Variants in UNC13C observed in about 807,000 individuals in gnomAD.
UNC13C encodes unc-13 homolog C.
UNC13C carries 174 observed loss-of-function variants against 245.4 expected under a neutral mutation model. The observed-to-expected ratio is 0.71, with a 90% CI of 0.63 to 0.80. UNC13C has a LOEUF of 0.80. UNC13C is among the 30% of genes least tolerant of loss of function. The probability of loss-of-function intolerance (pLI) is 0.00; values close to 1 mark genes in which losing one functional copy is unlikely to be tolerated. For synonymous variants in UNC13C, 992 were observed against 895.1 expected (o/e 1.11, Z -1.93); for missense variants, 2,829 against 2,602.9 (o/e 1.09, Z -1.89).
intron 1 of UNC13C, among the ~76,000 whole-genome samples, chr15:53,997,561 A>C (rs572434581): frequency 6.6e-6 from 1 of 152,134 alleles, no homozygotes; most frequent in Non-Finnish European, 1.5e-5. Context: ...CTGTATGCAG[A>C]ATTATCTACT....
At chr15:54,432,048 A>T (rs1241299159) in intron 19 of UNC13C, among the ~76,000 whole-genome samples, 1 of 151,594 alleles carries the variant, frequency 6.6e-6, no homozygotes, top group Non-Finnish European at 1.5e-5. Context: ...TATGATTTCT[A>T]TATATTTATA....
At chr15:54,195,553 G>A (rs1349651693) in intron 4 of UNC13C, among the ~76,000 whole-genome samples, 1 of 152,100 alleles carries the variant, frequency 6.6e-6, no homozygotes, top group South Asian at 2.1e-4. Context: ...GATAGACAAT[G>A]AATACAGCAT....
chr15:54,000,862 T>C (rs1488990411), intron 1 of UNC13C, among the ~76,000 whole-genome samples: 1 of 152,218 alleles, frequency 6.6e-6, no homozygotes, highest in Non-Finnish European at 1.5e-5. Flanking sequence ...GCAATATTCC[T>C]AGTTTCTTGT....
chr15:54,275,330 T>C (rs2036804102), intron 10 of UNC13C, among the ~76,000 whole-genome samples: 1 of 152,158 alleles, frequency 6.6e-6, no homozygotes, highest in Non-Finnish European at 1.5e-5. Context: ...CACATGAAAA[T>C]ATGCCCAATA....
intron 2 of UNC13C, among the ~76,000 whole-genome samples, chr15:54,057,826 T>G (rs986195711): frequency 6.6e-6 from 1 of 152,136 alleles, no homozygotes; most frequent in African/African-American, 2.4e-5. Flanking sequence ...ACCACTCAAC[T>G]ACATGGAAAC....
At chr15:54,005,501 C>T (rs1160231813) in intron 1 of UNC13C, among the ~76,000 whole-genome samples, 2 of 152,140 alleles carry the variant, frequency 1.3e-5, no homozygotes, top group Non-Finnish European at 2.9e-5. Flanking sequence ...AGTTTACTAT[C>T]AAACATTAAT....
At chr15:54,315,971 C>A (rs1019384242) in intron 13 of UNC13C, among the ~76,000 whole-genome samples, 1 of 151,780 alleles carries the variant, frequency 6.6e-6, no homozygotes, top group Non-Finnish European at 1.5e-5. Flanking sequence ...CTCTTCATAG[C>A]CTCCTAATTG....
intron 28 of UNC13C, among the ~76,000 whole-genome samples, chr15:54,552,592 A>AATATAATATAATT (rs1896833700): frequency 2.1e-5 from 1 of 47,074 alleles, no homozygotes; most frequent in South Asian, 6.5e-4. Context: ...TATATTGTAC[A>AATATAATATAATT]ATATATAATA....
intron 11 of UNC13C, among the ~76,000 whole-genome samples, chr15:54,294,594 T>G (rs2037382995): frequency 6.6e-6 from 1 of 152,072 alleles, no homozygotes; most frequent in South Asian, 2.1e-4. Flanking sequence ...ATTTAAAAAA[T>G]TATTATGGAA....
At position 54,431,002 on chromosome 15, in the gene UNC13C, C is replaced by G. The variant is rs190183992; in HGVS notation, c.4933+15935C>G. Among the ~76,000 whole-genome samples the G allele has an allele frequency of 3.3e-5, 5 of 151,856 alleles. No homozygotes were observed. In the East Asian group the frequency reaches 9.7e-4, roughly 30 times the overall value. ...AAACCTGGGCAGAAGATGGTACACCCAAAGCAGTTACATTAACACTTTTTA... is the reference window on the plus strand; with the variant it reads ...AAACCTGGGCAGAAGATGGTACACCGAAAGCAGTTACATTAACACTTTTTA... On this transcript the variant is annotated intron_variant, in intron 19 of 32. Transcript: ENST00000260323.
Position 54,408,199 on chromosome 15 carries a change from C to CAAAAAAAAAAAAA in UNC13C, c.4848-6765_4848-6753dup, listed in dbSNP as rs71105808. Among the ~76,000 whole-genome samples the CAAAAAAAAAAAAA allele has an allele frequency of 8.2e-3, 240 of 29,124 alleles. 53 individuals are homozygous for CAAAAAAAAAAAAA. The highest frequency in any genetic ancestry group is 0.014 in the Non-Finnish European group (182 of 13,222). 19.1% of individuals were successfully genotyped at this position (29,124 alleles called of 152,430 possible). Reference sequence around the variant, plus strand: ...TGGGTGACAGAGTGAGACTCTGCCTCAAAAAAAAAAAAAAAAAAAAAAAAA... The same window carrying CAAAAAAAAAAAAA: ...TGGGTGACAGAGTGAGACTCTGCCTCAAAAAAAAAAAAAAAAAAAAAAAAAAAAAAAAAAAAAA... On this transcript the variant is annotated intron_variant, in intron 18 of 32. Coordinates refer to ENST00000260323, the MANE Select transcript of UNC13C (RefSeq NM_001080534.3).
intron 32 of UNC13C, 39 bp downstream of exon 32, chr15:54,623,993 T>C (rs1264770277): frequency 2.5e-6 from 4 of 1,610,612 alleles, no homozygotes; most frequent in African/African-American, 1.3e-5. Context: ...TACCAGGCAA[T>C]AGTTACTGTA....
At chr15:54,011,063 T>C (rs1394879815) in intron 1 of UNC13C, among the ~76,000 whole-genome samples, 5 of 152,108 alleles carry the variant, frequency 3.3e-5, no homozygotes, top group African/African-American at 1.2e-4. Context: ...AACATAATTT[T>C]TACAGATAGT....
At chr15:54,001,404 A>G (rs1024378752) in intron 1 of UNC13C, among the ~76,000 whole-genome samples, 9 of 152,196 alleles carry the variant, frequency 5.9e-5, no homozygotes, top group Non-Finnish European at 1.2e-4. Flanking sequence ...TGCATGTAAC[A>G]CTATAGATTT....
At position 54,013,116 on chromosome 15, in the gene UNC13C, C is replaced by T. The variant is rs1057299102; in HGVS notation, c.213C>T (p.Ser71=). Residue 71 remains serine, a synonymous_variant, in exon 2 of 33, where the codon TCC becomes TCT. Coordinates refer to ENST00000260323, the MANE Select transcript of UNC13C (RefSeq NM_001080534.3). ...STVKKIAKCS[S]THNLSTEEDE... ...TAAAGAAGATTGCAAAGTGTTCATC[C>T]ACTCACAACTTATCCACTGAGGAAG... 5 of 1,613,776 alleles carry T rather than the reference C, an allele frequency of 3.1e-6. No homozygotes were observed. Among genetic ancestry groups the T allele is most frequent in the Non-Finnish European group, 3.4e-6 (4 of 1,179,868 alleles).
At chr15:54,502,174 C>T (rs2141101379) in intron 22 of UNC13C, among the ~76,000 whole-genome samples, 1 of 152,208 alleles carries the variant, frequency 6.6e-6, no homozygotes, top group Non-Finnish European at 1.5e-5. Context: ...ATATGCCTCA[C>T]TCGCACACAC....
rs548453354 is a variant in UNC13C at position 54,204,310 on chromosome 15, A to G, written c.3072-30720A>G. Among the ~76,000 whole-genome samples, 5 of 151,002 alleles carry G rather than the reference A, an allele frequency of 3.3e-5. No homozygotes were observed. The East Asian group carries it at 9.7e-4, about 29-fold the overall frequency. On this transcript the variant is annotated intron_variant, in intron 4 of 32. Coordinates refer to ENST00000260323, the MANE Select transcript of UNC13C (RefSeq NM_001080534.3). ...GACATAAAAAGATTAAAAATTGAAA[A>G]AAAAAAAAAAACCAAAACCACCTCA...
At chr15:54,061,433 C>CT (rs1332987465) in intron 2 of UNC13C, among the ~76,000 whole-genome samples, 4 of 152,096 alleles carry the variant, frequency 2.6e-5, no homozygotes, top group Non-Finnish European at 5.9e-5. Context: ...AGCTTGCCTC[C>CT]TTTTTTCCCT....
intron 4 of UNC13C, among the ~76,000 whole-genome samples, chr15:54,177,381 T>C (rs1036709532): frequency 1.1e-4 from 17 of 152,222 alleles, no homozygotes; most frequent in African/African-American, 3.8e-4. Flanking sequence ...ACACACAAAT[T>C]AGCTAAGGCA....
Sources: allele counts gnomAD v4.1 joint callset (sites outside exome capture counted in the v4.1 genomes callset), GRCh38; gene constraint gnomAD v4.1.1; transcripts MANE v1.5; gene names NCBI Gene and HGNC (gene_info 2026-07-23, HGNC 2026-07-21).